MYO1H: variants seen among roughly 807,000 people sequenced by gnomAD.
MYO1H encodes unconventional myosin-Ih.
MYO1H carries 118 observed loss-of-function variants against 149.3 expected under a neutral mutation model. The observed-to-expected ratio is 0.79, with a 90% CI of 0.68 to 0.92. MYO1H has a LOEUF of 0.92. Ranked by LOEUF, MYO1H falls within the 40% of genes least tolerant of loss-of-function variation. MYO1H has a pLI of 0.00. For synonymous variants in MYO1H, 447 were observed against 465.2 expected (o/e 0.96, Z 0.50); for missense variants, 1,212 against 1,280.7 (o/e 0.95, Z 0.82).
At chr12:109,329,254 G>A in the MYO1H span, among the ~76,000 whole-genome samples, 1 of 152,122 alleles carries the variant, frequency 6.6e-6, no homozygotes, top group Admixed American at 6.5e-5. Flanking sequence ...TTATTGTACA[G>A]CCGTGTTCAT....
At chr12:109,429,950 T>G (rs1188970810) in intron 19 of MYO1H, among the ~76,000 whole-genome samples, 4 of 152,214 alleles carry the variant, frequency 2.6e-5, no homozygotes, top group Admixed American at 6.5e-5. Flanking sequence ...TCCTTGTTTG[T>G]AGATGGTGCC....
upstream of MYO1H, among the ~76,000 whole-genome samples, chr12:109,344,331 C>T (rs971442890): frequency 6.6e-6 from 1 of 152,150 alleles, no homozygotes; most frequent in African/African-American, 2.4e-5. Context: ...CAAAAGTCAA[C>T]TATATTTTTG....
intron 30 of MYO1H, among the ~76,000 whole-genome samples, chr12:109,445,178 C>CT (rs1473233194): frequency 6.6e-6 from 1 of 152,192 alleles, no homozygotes; most frequent in Non-Finnish European, 1.5e-5. Flanking sequence ...GAGTTGAGTG[C>CT]TTTGAAATGT....
At chr12:109,327,122 C>CTTTTTTTTTTTTTTTTTTTTTTT in the MYO1H span, among the ~76,000 whole-genome samples, 2 of 111,402 alleles carry the variant, frequency 1.8e-5, no homozygotes, top group African/African-American at 3.8e-5. Context: ...TTTTCTTTTT[C>CTTTTTTTTTTTTTTTTTTTTTTT]TTTTTCTTTT....
chr12:109,384,093 G>A (rs1869258679), intron 1 of MYO1H, among the ~76,000 whole-genome samples: 1 of 152,224 alleles, frequency 6.6e-6, no homozygotes, highest in Admixed American at 6.5e-5. Flanking sequence ...ATAATCGGAA[G>A]TTCTGGCAAC....
At position 109,420,304 on chromosome 12, in the gene MYO1H, C is replaced by CG. The variant is rs145345836; in HGVS notation, c.1598-675dup. On this transcript the variant is annotated intron_variant, in intron 15 of 31. Transcript: ENST00000310903. ...AATGAGGGACATGTTACCCGCCCCC[C>CG]GGAGGGATATGTGGCAATGTCTAGC... Among the ~76,000 whole-genome samples the CG allele has an allele frequency of 9.9e-3, 1,507 of 152,274 alleles. 35 individuals carry two copies. Among genetic ancestry groups the CG allele is most frequent in the African/African-American group, 0.035 (1,439 of 41,538 alleles).
chr12:109,414,246 C>T (rs1319275890), intron 14 of MYO1H, among the ~76,000 whole-genome samples: 11 of 151,916 alleles, frequency 7.2e-5, no homozygotes, highest in South Asian at 2.1e-4. Context: ...GAGACCAAGA[C>T]GAGTGGATAA....
intron 6 of MYO1H, among the ~76,000 whole-genome samples, chr12:109,401,891 T>C (rs1870185083): frequency 6.6e-6 from 1 of 151,904 alleles, no homozygotes; most frequent in Non-Finnish European, 1.5e-5. Flanking sequence ...AGGCGCGAGG[T>C]ACCATGCCTC....
chr12:109,337,679 C>T, the MYO1H span, among the ~76,000 whole-genome samples: 9 of 152,108 alleles, frequency 5.9e-5, no homozygotes, highest in Non-Finnish European at 1.0e-4. Context: ...TCCCATCACA[C>T]GTGGGGATTA....
chr12:109,401,132 G>A (rs1870139968), exon 6 of MYO1H: 1 of 1,613,974 alleles, frequency 6.2e-7, no homozygotes, highest in Admixed American at 1.7e-5. Context: ...TTACTTGATA[G>A]AGAAGTCCCG....
chr12:109,423,733 G>A (rs1214269257), intron 16 of MYO1H, among the ~76,000 whole-genome samples: 1 of 152,146 alleles, frequency 6.6e-6, no homozygotes, highest in Non-Finnish European at 1.5e-5. Context: ...ATTCCACTTA[G>A]CATAGTGAGC....
At chr12:109,327,739 C>CAAAAAAAAAAAAAAAAAAAAAAA in the MYO1H span, among the ~76,000 whole-genome samples, 7 of 85,636 alleles carry the variant, frequency 8.2e-5, no homozygotes, top group Non-Finnish European at 1.1e-4. Flanking sequence ...AAAACTGTCT[C>CAAAAAAAAAAAAAAAAAAAAAAA]AAAAAAAAAA....
intron 6 of MYO1H, among the ~76,000 whole-genome samples, chr12:109,403,142 C>CAGAT (rs1429337964): frequency 6.6e-6 from 1 of 152,192 alleles, no homozygotes; most frequent in Non-Finnish European, 1.5e-5. Flanking sequence ...GGGACAGGAG[C>CAGAT]AGATGTTGCT....
intron 15 of MYO1H, 80 bp from the exon 16 acceptor site, chr12:109,420,901 C>T: frequency 2.6e-6 from 2 of 773,956 alleles, no homozygotes; most frequent in Non-Finnish European, 2.3e-6. Flanking sequence ...TTCAGAATTT[C>T]CCTTTGCAAT....
rs556732344 is a variant in MYO1H, at chr12:109,397,900, G to A, written c.570+88G>A. 335 of 889,520 alleles carry A rather than the reference G, an allele frequency of 3.8e-4. 2 individuals carry two copies. In the African/African-American group the frequency reaches 4.9e-3, roughly 13 times the overall value. The allele number at this position is 889,520 out of a possible 1,614,324, so 55.1% of individuals were successfully genotyped here. On this transcript the variant is annotated intron_variant, in intron 5 of 31. Transcript: ENST00000310903. ...AGCCAAGGCCCCTTAAGGGGAGAAC[G>A]GCATTTTTTGGCTCAAGCTATTTAA...
At chr12:109,419,535 C>T (rs1024572471) in intron 15 of MYO1H, among the ~76,000 whole-genome samples, 1 of 151,734 alleles carries the variant, frequency 6.6e-6, no homozygotes. Flanking sequence ...TGATGCATGC[C>T]TTTTTAAAAT....
the MYO1H span, among the ~76,000 whole-genome samples, chr12:109,318,963 TTTGGTTTTG>T: frequency 3.2e-4 from 32 of 98,930 alleles, 1 homozygote; most frequent in Middle Eastern, 4.6e-3. Flanking sequence ...TCTCTGCGTT[TTTGGTTTTG>T]TTTTTTTTTT....
chr12:109,375,154 G>A (rs540336733), intron 1 of MYO1H, among the ~76,000 whole-genome samples: 13 of 131,912 alleles, frequency 9.9e-5, no homozygotes, highest in African/African-American at 1.3e-4. Context: ...CATGCCCGGC[G>A]GATTTTTTTT....
At chr12:109,340,318 T>C in the MYO1H span, among the ~76,000 whole-genome samples, 3 of 152,098 alleles carry the variant, frequency 2.0e-5, no homozygotes, top group African/African-American at 7.2e-5. Flanking sequence ...GTAGCTGGGA[T>C]TACAGGCGCC....
Sources: allele counts gnomAD v4.1 joint callset (sites outside exome capture counted in the v4.1 genomes callset), GRCh38; gene constraint gnomAD v4.1.1; transcripts MANE v1.5; gene names NCBI Gene and HGNC (gene_info 2026-07-23, HGNC 2026-07-21).